Variants in CTNNA2 observed in about 807,000 individuals in gnomAD.
CTNNA2 encodes the protein catenin alpha 2.
A neutral mutation model predicts 101.0 loss-of-function variants in CTNNA2; 42 were observed. The observed-to-expected ratio is 0.42, with a 90% confidence interval of 0.32 to 0.54. CTNNA2 has a LOEUF of 0.54. CTNNA2 is among the 20% of genes least tolerant of loss of function. CTNNA2 has a pLI of 0.14. For missense variants in CTNNA2, 871 were observed against 1,223.1 expected, an observed-to-expected ratio of 0.71 and a Z score of 4.29; for synonymous variants, 450 against 456.4, an observed-to-expected ratio of 0.99 and a Z score of 0.18.
intron 3 of CTNNA2, among the ~76,000 whole-genome samples, chr2:79,821,894 C>T (rs1217501123): frequency 6.6e-6 from 1 of 152,128 alleles, no homozygotes; most frequent in Non-Finnish European, 1.5e-5. Context: ...CTCTATTTCA[C>T]TCTTGTACAT....
At chr2:80,403,831 T>A (rs1203709537) in intron 8 of CTNNA2, among the ~76,000 whole-genome samples, 1 of 152,196 alleles carries the variant, frequency 6.6e-6, no homozygotes, top group African/African-American at 2.4e-5. Flanking sequence ...GATGTTGAAT[T>A]TTGTCGAAGA....
chr2:80,155,504 TC>T (rs1466666731), intron 7 of CTNNA2, among the ~76,000 whole-genome samples: 1 of 152,144 alleles, frequency 6.6e-6, no homozygotes, highest in Non-Finnish European at 1.5e-5. Context: ...CCCACCTCCC[TC>T]CCCAGTTACT....
In CTNNA2 at chr2:79,601,770, G is replaced by A. The variant is rs574801088; in HGVS notation, c.-5-49782G>A. On this transcript the variant is annotated intron_variant, in intron 1 of 18. Coordinates refer to ENST00000402739, the MANE Select transcript of CTNNA2 (RefSeq NM_001282597.3). ...AGCTGTCAGATAATGACTACTATGC[G>A]TATCACAATTACAACTGAAAATACA... Among the ~76,000 whole-genome samples, 16 of 152,286 alleles carry A rather than the reference G, an allele frequency of 1.1e-4. No individual in the cohort carries two copies. The South Asian group carries it at 3.1e-3, about 30-fold the overall frequency.
At chr2:80,522,992 C>T (rs912348651) in intron 9 of CTNNA2, among the ~76,000 whole-genome samples, 2 of 151,902 alleles carry the variant, frequency 1.3e-5, no homozygotes, top group Non-Finnish European at 1.5e-5. Flanking sequence ...GTGCACTGCT[C>T]AATTGGAGCT....
At chr2:79,933,237 A>C (rs1026067347) in intron 7 of CTNNA2, among the ~76,000 whole-genome samples, 6 of 152,124 alleles carry the variant, frequency 3.9e-5, no homozygotes, top group African/African-American at 1.4e-4. Flanking sequence ...GTTTAATATA[A>C]AAAAGGGGCG....
chr2:80,155,359 A>G (rs765063422), intron 7 of CTNNA2, among the ~76,000 whole-genome samples: 1 of 152,222 alleles, frequency 6.6e-6, no homozygotes, highest in Non-Finnish European at 1.5e-5. Flanking sequence ...TTTGTTGCGT[A>G]CAACTCACCA....
intron 7 of CTNNA2, among the ~76,000 whole-genome samples, chr2:80,053,250 C>T (rs1257690845): frequency 6.6e-6 from 1 of 152,132 alleles, no homozygotes; most frequent in Non-Finnish European, 1.5e-5. Context: ...TTCCAGCCAA[C>T]ATTTCCAGGG....
chr2:80,090,010 G>A (rs1403096196), intron 7 of CTNNA2, among the ~76,000 whole-genome samples: 1 of 151,970 alleles, frequency 6.6e-6, no homozygotes, highest in East Asian at 1.9e-4. Flanking sequence ...ATAAAACATT[G>A]TTGATCTGCC....
intron 1 of CTNNA2, among the ~76,000 whole-genome samples, chr2:79,645,267 G>C (rs1045203075): frequency 1.3e-5 from 2 of 152,068 alleles, no homozygotes; most frequent in Non-Finnish European, 2.9e-5. Context: ...GATTATAGAC[G>C]AGAGCAATCG....
At chr2:79,916,907 G>A (rs1686271695) in intron 7 of CTNNA2, among the ~76,000 whole-genome samples, 1 of 151,998 alleles carries the variant, frequency 6.6e-6, no homozygotes, top group African/African-American at 2.4e-5. Flanking sequence ...ACAGGCTTGA[G>A]CCGCTGTGCC....
chr2:79,455,444 TC>T (rs1318323190), intron 4 of CTNNA2, among the ~76,000 whole-genome samples: 1 of 152,056 alleles, frequency 6.6e-6, no homozygotes, highest in East Asian at 1.9e-4. Context: ...AAGGTCTCGG[TC>T]CCTGTCAGGC....
intron 2 of CTNNA2, among the ~76,000 whole-genome samples, chr2:79,686,253 G>A (rs944014125): frequency 2.6e-5 from 4 of 152,070 alleles, no homozygotes; most frequent in African/African-American, 9.7e-5. Flanking sequence ...AAGGCAAGAA[G>A]GATTTGTTCA....
chr2:80,128,945 T>A (rs185171592), intron 7 of CTNNA2, among the ~76,000 whole-genome samples: 1 of 152,336 alleles, frequency 6.6e-6, no homozygotes, highest in Admixed American at 6.5e-5. Flanking sequence ...TGCTAGCCTC[T>A]TCTGTAATGC....
At position 80,224,074 on chromosome 2, in the gene CTNNA2, A is replaced by T. The variant is rs77804523; in HGVS notation, c.1057-169137A>T. 6.4e-4 allele frequency among the ~76,000 whole-genome samples: 97 copies of T among 152,176 alleles called. 1 individual carries two copies. The East Asian group carries it at 0.011, about 17-fold the overall frequency. ...CAGCCTTAGCTGCTCACTTCCCATG[A>T]CTTGTTCTAGCCCTCTTGACACATA... is the stretch of plus-strand genomic sequence containing the variant. On this transcript the variant is annotated intron_variant, in intron 7 of 18. Coordinates refer to ENST00000402739, the MANE Select transcript of CTNNA2 (RefSeq NM_001282597.3).
chr2:79,432,819 T>C (rs930889214), intron 4 of CTNNA2, among the ~76,000 whole-genome samples: 1 of 152,230 alleles, frequency 6.6e-6, no homozygotes, highest in African/African-American at 2.4e-5. Context: ...CAAAGGTTTT[T>C]TGTACTTTCA....
intron 9 of CTNNA2, among the ~76,000 whole-genome samples, chr2:80,460,451 A>G (rs537254632): frequency 1.1e-4 from 17 of 152,332 alleles, no homozygotes; most frequent in African/African-American, 4.1e-4. Flanking sequence ...AGATATTCAA[A>G]AAGAATGTGA....
intron 7 of CTNNA2, among the ~76,000 whole-genome samples, chr2:80,114,186 G>A (rs1701382823): frequency 6.6e-6 from 1 of 152,128 alleles, no homozygotes; most frequent in African/African-American, 2.4e-5. Context: ...CAGAGAAGAT[G>A]AAAAATATCT....
chr2:79,547,614 G>T (rs539648186), intron 1 of CTNNA2: 60 of 152,240 alleles, frequency 3.9e-4, no homozygotes, highest in African/African-American at 1.4e-3. Flanking sequence ...CTGTATATAA[G>T]ACTTCCTAAA....
In CTNNA2 at chr2:80,100,246, T is replaced by G. The variant is rs72924669; in HGVS notation, c.1056+190449T>G. On this transcript the variant is annotated intron_variant, in intron 7 of 18. Coordinates refer to ENST00000402739, the MANE Select transcript of CTNNA2 (RefSeq NM_001282597.3). ...ACTGCTCCCAACCATGCATCTGAAT[T>G]TTAAACAGGCTTTACTGATGCTTAC... Among the ~76,000 whole-genome samples, 1,443 of 152,266 alleles carry G rather than the reference T, an allele frequency of 9.5e-3. 20 individuals carry two copies. Among genetic ancestry groups the G allele is most frequent in the African/African-American group, 0.033 (1,381 of 41,550 alleles).
Sources: allele counts gnomAD v4.1 joint callset (sites outside exome capture counted in the v4.1 genomes callset), GRCh38; gene constraint gnomAD v4.1.1; transcripts MANE v1.5; gene names NCBI Gene and HGNC (gene_info 2026-07-23, HGNC 2026-07-21).